Variants in PDE1C observed in about 807,000 individuals in gnomAD.
The protein encoded by PDE1C is phosphodiesterase 1C.
In PDE1C, 62 loss-of-function variants were observed where a neutral mutation model predicts 93.1. That is an observed-to-expected ratio of 0.67 (90% confidence interval 0.54 to 0.82). The LOEUF is 0.82. Ranked by LOEUF, PDE1C falls within the 40% of genes least tolerant of loss-of-function variation. The pLI is 0.00. For synonymous variants in PDE1C, 325 were observed against 310.1 expected, an observed-to-expected ratio of 1.05 and a Z score of -0.50; for missense variants, 742 against 884.6, an observed-to-expected ratio of 0.84 and a Z score of 2.04.
At chr7:32,288,443 T>A (rs993064996) in intron 1 of PDE1C, among the ~76,000 whole-genome samples, 1 of 152,210 alleles carries the variant, frequency 6.6e-6, no homozygotes, top group Admixed American at 6.5e-5. Context: ...CTGGACTAAA[T>A]TCTGCACCTT....
intron 17 of PDE1C, among the ~76,000 whole-genome samples, chr7:31,767,639 TG>T (rs1795226421): frequency 6.6e-6 from 1 of 152,210 alleles, no homozygotes; most frequent in African/African-American, 2.4e-5. Flanking sequence ...CTAATACACT[TG>T]GCTTAGTCAG....
At chr7:32,069,356 A>T (rs1027591515) in intron 1 of PDE1C, among the ~76,000 whole-genome samples, 1 of 152,232 alleles carries the variant, frequency 6.6e-6, no homozygotes, top group Non-Finnish European at 1.5e-5. Context: ...TGTTAGAAAC[A>T]GAATGTCTAG....
At position 31,824,959 on chromosome 7, in the gene PDE1C, G is replaced by A; in HGVS notation, c.1314C>T (p.Thr438=). 6.2e-7 allele frequency: 1 copy of A among 1,613,302 alleles called. No individual in the cohort carries two copies. Among genetic ancestry groups the A allele is most frequent in the Non-Finnish European group, 8.5e-7 (1 of 1,179,490 alleles). Reference sequence around the variant, plus strand: ...CGGTCATGTCCGTAAGCACAGTGAAGGTGGGTTCCACGATGAAATCAATGA... The same window carrying A: ...CGGTCATGTCCGTAAGCACAGTGAAAGTGGGTTCCACGATGAAATCAATGA... ...VGFIDFIVEP[T]FTVLTDMTEK... is the part of the protein sequence containing the mutation. Residue 438 remains threonine, a synonymous_variant, in exon 13 of 18, where the codon ACC becomes ACT. Coordinates refer to ENST00000396191, the MANE Select transcript of PDE1C (RefSeq NM_001191057.4).
intron 2 of PDE1C, among the ~76,000 whole-genome samples, chr7:31,925,808 A>C (rs975725098): frequency 1.2e-4 from 18 of 152,208 alleles, no homozygotes; most frequent in African/African-American, 4.1e-4. Flanking sequence ...AATTTTCCCC[A>C]ATTTTAAATC....
At chr7:32,067,550 T>C (rs2128721647) in intron 1 of PDE1C, among the ~76,000 whole-genome samples, 1 of 152,296 alleles carries the variant, frequency 6.6e-6, no homozygotes, top group East Asian at 1.9e-4. Flanking sequence ...GAAATCCTCT[T>C]GCTCTGGTAA....
chr7:31,865,321 C>G (rs1046055094), intron 6 of PDE1C, among the ~76,000 whole-genome samples: 1 of 152,110 alleles, frequency 6.6e-6, no homozygotes, highest in Non-Finnish European at 1.5e-5. Context: ...ATTTTAGAAT[C>G]CCTGAGAAAT....
At chr7:31,940,426 A>G (rs1805660532) in intron 2 of PDE1C, among the ~76,000 whole-genome samples, 2 of 152,188 alleles carry the variant, frequency 1.3e-5, no homozygotes, top group Non-Finnish European at 2.9e-5. Context: ...TCTGCAAGGT[A>G]GAGTTCATGA....
chr7:32,296,111 A>G (rs1812598330), intron 1 of PDE1C, among the ~76,000 whole-genome samples: 3 of 152,252 alleles, frequency 2.0e-5, no homozygotes, highest in Admixed American at 2.0e-4. Context: ...AACAATGTAC[A>G]TATTAGAAGT....
At chr7:32,014,006 C>T (rs1028266717) in intron 2 of PDE1C, among the ~76,000 whole-genome samples, 1 of 152,174 alleles carries the variant, frequency 6.6e-6, no homozygotes, top group African/African-American at 2.4e-5. Context: ...TAGCTTAGAC[C>T]CTCAAGAAAG....
chr7:31,623,310 A>T, the PDE1C span, among the ~76,000 whole-genome samples: 1 of 152,060 alleles, frequency 6.6e-6, no homozygotes, highest in African/African-American at 2.4e-5. Flanking sequence ...AAAAAAGAGA[A>T]TTTTAGACCA....
chr7:32,346,914 A>T (rs1783863970), intron 1 of PDE1C, among the ~76,000 whole-genome samples: 1 of 152,248 alleles, frequency 6.6e-6, no homozygotes, highest in African/African-American at 2.4e-5. Flanking sequence ...TTTTGTGGTT[A>T]TCTGGGGCTG....
In PDE1C at chr7:32,141,386, TTAAAG is replaced by T. The variant is rs1800518046; in HGVS notation, c.308+28394_308+28398del. On this transcript the variant is annotated intron_variant, in intron 3 of 18. Transcript: ENST00000396193. ...GCATGGAAAGGGGAATACGGTAACT[TTAAAG>T]TAGAGAAATTTGGCAAACACTACCT... 9.8e-5 allele frequency among the ~76,000 whole-genome samples: 15 copies of T among 152,300 alleles called. No homozygotes were observed. The South Asian group carries it at 3.1e-3, about 32-fold the overall frequency.
intron 5 of PDE1C, among the ~76,000 whole-genome samples, chr7:31,876,254 A>T (rs1796574944): frequency 6.6e-6 from 1 of 152,172 alleles, no homozygotes; most frequent in Non-Finnish European, 1.5e-5. Flanking sequence ...TTCAGCTTTA[A>T]TGCACATATC....
intron 2 of PDE1C, among the ~76,000 whole-genome samples, chr7:32,200,128 C>A (rs780625828): frequency 3.3e-4 from 50 of 152,264 alleles, no homozygotes; most frequent in Middle Eastern, 3.4e-3. Flanking sequence ...GACACTCGAC[C>A]TGCATCTCAA....
chr7:31,774,537 T>G lies in PDE1C; in HGVS notation c.1960+1127A>C, dbSNP rs551963935. ...CAGCAATCTTACTTAGTGGAATCTA[T>G]GGTAAATCCGTACTTACAGACTCAG... On this transcript the variant is annotated intron_variant, in intron 17 of 17. Coordinates refer to ENST00000396191, the MANE Select transcript of PDE1C (RefSeq NM_001191057.4). Among the ~76,000 whole-genome samples, 10 of 152,310 alleles carry G rather than the reference T, an allele frequency of 6.6e-5. No homozygotes were observed. The East Asian group carries it at 1.7e-3, about 26-fold the overall frequency.
At chr7:31,670,370 A>G in the PDE1C span, among the ~76,000 whole-genome samples, 5 of 152,124 alleles carry the variant, frequency 3.3e-5, no homozygotes, top group Non-Finnish European at 7.4e-5. Flanking sequence ...CCACATGTTC[A>G]TTTCTCTATA....
chr7:32,216,256 T>C (rs1806424834), intron 1 of PDE1C, among the ~76,000 whole-genome samples: 1 of 152,138 alleles, frequency 6.6e-6, no homozygotes, highest in African/African-American at 2.4e-5. Flanking sequence ...TGACCACCCA[T>C]TAAGACCACA....
intron 2 of PDE1C, among the ~76,000 whole-genome samples, chr7:31,904,186 G>A (rs1428999288): frequency 1.3e-5 from 2 of 151,994 alleles, no homozygotes; most frequent in African/African-American, 2.4e-5. Context: ...TGTCCTTTCA[G>A]CTACACACCA....
chr7:31,982,001 A>G (rs1413254636), intron 2 of PDE1C, among the ~76,000 whole-genome samples: 1 of 152,220 alleles, frequency 6.6e-6, no homozygotes, highest in Non-Finnish European at 1.5e-5. Flanking sequence ...AGAGGCTGTT[A>G]TGCTACCTTA....
Sources: gnomAD v4.1 joint callset for allele counts (sites outside exome capture counted in the v4.1 genomes callset) on GRCh38, gnomAD v4.1.1 for gene constraint, MANE v1.5 for transcripts, NCBI Gene and HGNC (gene_info 2026-07-23, HGNC 2026-07-21) for gene names.